The following SCIN variants were observed in gnomAD, a reference collection of about 807,000 sequenced individuals.
The protein encoded by SCIN is scinderin, also known as adseverin.
Under a neutral mutation model 91.8 loss-of-function variants are expected in SCIN, and 91 were observed. The ratio of observed to expected loss-of-function variants is 0.99; its 90% confidence interval spans 0.84 to 1.18. The LOEUF (loss-of-function observed/expected upper bound fraction) is 1.18, where lower values mean the gene tolerates loss of function less well. SCIN is among the 50% of genes most tolerant of loss of function. The probability of loss-of-function intolerance (pLI) is 0.00; values close to 1 mark genes in which losing one functional copy is unlikely to be tolerated. For synonymous variants in SCIN, 367 were observed against 312.6 expected (o/e 1.17, Z -1.84); for missense variants, 1,087 against 863.9 (o/e 1.26, Z -3.24).
In SCIN at chr7:12,570,967, C is replaced by A. The variant is rs1189423246; in HGVS notation, c.181C>A (p.His61Asn). The change falls in exon 1 of 16, where the codon CAC becomes AAC. Residue 61 changes from histidine (H) to asparagine (N), a missense_variant. Coordinates refer to ENST00000297029, the MANE Select transcript of SCIN (RefSeq NM_001112706.3). Reference protein sequence around the residue: ...TAKTSRGFTYHLHFWLGKECS... With the variant: ...TAKTSRGFTYNLHFWLGKECS... ...CAAGACGAGCCGAGGCTTCACCTAC[C>A]ACCTGCACTTCTGGCTCGGTAAGGG... is the stretch of plus-strand genomic sequence containing the variant. The A allele has an allele frequency of 1.3e-6, 2 of 1,551,036 alleles. No individual in the cohort carries two copies. Among genetic ancestry groups the A allele is most frequent in the Non-Finnish European group, 1.7e-6 (2 of 1,146,652 alleles).
At chr7:12,615,059 C>G (rs989753063) in intron 4 of SCIN, among the ~76,000 whole-genome samples, 7 of 152,150 alleles carry the variant, frequency 4.6e-5, no homozygotes, top group Admixed American at 1.3e-4. Flanking sequence ...CCCAAACTGT[C>G]TTTCTTACAG....
At chr7:12,593,030 G>T (rs1782759181) in intron 3 of SCIN, among the ~76,000 whole-genome samples, 1 of 152,218 alleles carries the variant, frequency 6.6e-6, no homozygotes, top group Non-Finnish European at 1.5e-5. Flanking sequence ...TTGTTGAAGG[G>T]ATGGTGGCTC....
At chr7:12,576,698 C>T (rs1472928912) in intron 1 of SCIN, among the ~76,000 whole-genome samples, 1 of 149,584 alleles carries the variant, frequency 6.7e-6, no homozygotes, top group Non-Finnish European at 1.5e-5. Context: ...CACAAACCTA[C>T]ATCTGGTCTT....
chr7:12,592,158 G>A (rs1782737007), intron 3 of SCIN, among the ~76,000 whole-genome samples: 3 of 152,216 alleles, frequency 2.0e-5, no homozygotes, highest in Admixed American at 6.5e-5. Context: ...TGGGAATCAG[G>A]GTGTAGGGAA....
chr7:12,644,449 G>A (rs1438972380), intron 12 of SCIN, 134 bp downstream of exon 12: 21 of 1,439,384 alleles, frequency 1.5e-5, no homozygotes, highest in Non-Finnish European at 1.9e-5. Context: ...GCAGAGGTGG[G>A]TGGGTGATGG....
chr7:12,635,913 C>A, intron 9 of SCIN, 132 bp from the exon 10 acceptor site: 1 of 673,670 alleles, frequency 1.5e-6, no homozygotes, highest in Non-Finnish European at 2.6e-6. Flanking sequence ...AATAGCTTAA[C>A]AGCTTGTATC....
At chr7:12,590,972 G>A (rs140045395) in intron 3 of SCIN, among the ~76,000 whole-genome samples, 61 of 152,222 alleles carry the variant, frequency 4.0e-4, no homozygotes, top group Non-Finnish European at 7.1e-4. Context: ...CTGCTTTTTG[G>A]GAGGAGGATC....
chr7:12,623,612 G>C (rs140750005), intron 5 of SCIN, among the ~76,000 whole-genome samples: 40 of 152,258 alleles, frequency 2.6e-4, no homozygotes, highest in African/African-American at 8.4e-4. Flanking sequence ...TTCTTCCAGT[G>C]TTCCCTCCCC....
rs866156021 is a variant in SCIN, at chr7:12,599,493, A to G, written c.517-5021A>G. ...TGCTGCTATACACGTGTGTGCAAGT[A>G]TCTTTTTTATATAATGACTTCGTTT... On this transcript the variant is annotated intron_variant, in intron 3 of 15. Transcript: ENST00000297029. Among the ~76,000 whole-genome samples the G allele has an allele frequency of 3.9e-5, 6 of 152,142 alleles. No individual in the cohort carries two copies. In the East Asian group the frequency reaches 1.2e-3, roughly 29 times the overall value.
chr7:12,607,902 G>A (rs986969408), intron 4 of SCIN, among the ~76,000 whole-genome samples: 23 of 152,170 alleles, frequency 1.5e-4, no homozygotes, highest in African/African-American at 5.5e-4. Flanking sequence ...CATGAACTTG[G>A]TTGGGAAGAA....
At chr7:12,625,638 A>C (rs1050321410) in intron 6 of SCIN, 124 bp from the exon 7 acceptor site, 2 of 752,986 alleles carry the variant, frequency 2.7e-6, no homozygotes, top group South Asian at 4.0e-5. Context: ...CAATTTTGCT[A>C]TTCTTTCACT....
chr7:12,652,032 A>C, intron 15 of SCIN, 131 bp downstream of exon 15: 1 of 605,820 alleles, frequency 1.7e-6, no homozygotes. Flanking sequence ...ATTCCTCCTC[A>C]AAACTAAAGA....
rs1430765029 is a variant in SCIN, at chr7:12,657,527, T to C, written c.*4812T>C. On this transcript the variant is annotated 3_prime_UTR_variant, in exon 16 of 16. Transcript: ENST00000297029. ...TCTGGACACGAATTTTTAAGTTTTA[T>C]ATATGTGTGTGTATATATATATATA... 1 of 117,582 alleles carries C rather than the reference T, an allele frequency of 8.5e-6. No homozygotes were observed. The highest frequency in any genetic ancestry group is 2.4e-4 in the East Asian group (1 of 4,226). The allele number at this position is 117,582 out of a possible 1,614,324, so 7.3% of individuals were successfully genotyped here.
At chr7:12,627,391 C>T (rs939487697) in intron 8 of SCIN, among the ~76,000 whole-genome samples, 52 of 152,064 alleles carry the variant, frequency 3.4e-4, no homozygotes, top group African/African-American at 1.2e-3. Context: ...CTTCCCTCAG[C>T]GCTGAAGTGG....
chr7:12,571,040 C>T, intron 1 of SCIN, 55 bp downstream of exon 1: 1 of 1,496,886 alleles, frequency 6.7e-7, no homozygotes, highest in East Asian at 2.5e-5. Context: ...GAGGGGAGGG[C>T]GTAGGGGTCT....
At chr7:12,593,209 C>G (rs1782763535) in intron 3 of SCIN, among the ~76,000 whole-genome samples, 1 of 152,248 alleles carries the variant, frequency 6.6e-6, no homozygotes, top group Non-Finnish European at 1.5e-5. Context: ...TTGCTGCTAT[C>G]AGGTCTTTTG....
At chr7:12,605,153 G>A (rs111913293) in intron 4 of SCIN, among the ~76,000 whole-genome samples, 50 of 152,168 alleles carry the variant, frequency 3.3e-4, no homozygotes, top group African/African-American at 1.1e-3. Flanking sequence ...CCGGGTTCAC[G>A]CCATTCTCCT....
chr7:12,626,297 A>T, intron 7 of SCIN: 1 of 403,036 alleles, frequency 2.5e-6, no homozygotes, highest in South Asian at 3.3e-5. Context: ...CAAGGAACAC[A>T]ATGAGATCAT....
chr7:12,604,525 G>T lies in SCIN; in HGVS notation c.528G>T (p.Gln176His). The T allele has an allele frequency of 6.4e-7, 1 of 1,551,594 alleles. No homozygotes were observed. Among genetic ancestry groups the T allele is most frequent in the South Asian group, 1.2e-5 (1 of 84,048 alleles). ...FIIDLGTEIYQWCGSSCNKYE... is the reference protein window; with the variant it reads ...FIIDLGTEIYHWCGSSCNKYE... ...TCTCTTTCTTTTAGGAAATTTATCA[G>T]TGGTGTGGTTCCTCGTGCAACAAAT... The change falls in exon 4 of 16, where the codon CAG becomes CAT. Residue 176 changes from glutamine to histidine, a missense_variant. By Grantham distance (24) the Gln-to-His change is conservative. Transcript: ENST00000297029.
Sources: gnomAD v4.1 joint callset for allele counts (sites outside exome capture counted in the v4.1 genomes callset) on GRCh38, gnomAD v4.1.1 for gene constraint, MANE v1.5 for transcripts, NCBI Gene and HGNC (gene_info 2026-07-23, HGNC 2026-07-21) for gene names.